Variants in UBE2K observed in about 807,000 individuals in gnomAD.
The protein encoded by UBE2K is ubiquitin conjugating enzyme E2 K.
In UBE2K, 6 loss-of-function variants were observed where a neutral mutation model predicts 30.0. That is an observed-to-expected ratio of 0.20 (90% CI 0.11 to 0.39). The LOEUF (loss-of-function observed/expected upper bound fraction) is 0.39. Ranked by LOEUF, UBE2K falls within the 10% of genes least tolerant of loss-of-function variation. UBE2K has a pLI of 1.00. For synonymous variants in UBE2K, 86 were observed against 83.7 expected (o/e 1.03, Z -0.15); for missense variants, 61 against 241.6 (o/e 0.25, Z 4.96).
chr4:39,737,936 A>G (rs756866737), intron 2 of UBE2K, among the ~76,000 whole-genome samples: 17 of 152,102 alleles, frequency 1.1e-4, no homozygotes, highest in Non-Finnish European at 2.2e-4. Flanking sequence ...TCATTCACTC[A>G]TGTCTTCATA....
chr4:39,736,060 C>A (rs954692408), intron 1 of UBE2K, among the ~76,000 whole-genome samples: 1 of 151,210 alleles, frequency 6.6e-6, no homozygotes, highest in South Asian at 2.1e-4. Context: ...GTAATTCTTA[C>A]ACTGTTTCAT....
At chr4:39,700,319 A>G (rs1008452912) in intron 1 of UBE2K, among the ~76,000 whole-genome samples, 1 of 152,196 alleles carries the variant, frequency 6.6e-6, no homozygotes. Flanking sequence ...ATAAGCATCA[A>G]AAGTGTTTCA....
In UBE2K at chr4:39,776,762, A is replaced by G. The variant is rs73808499; in HGVS notation, c.400-920A>G. On this transcript the variant is annotated intron_variant, in intron 5 of 6. Transcript: ENST00000261427. ...TGTTATTTGTCTCAGAGTACTTCCA[A>G]TTAGGGTTTTCCATGTTTTATATAT... 4.6e-3 allele frequency among the ~76,000 whole-genome samples: 697 copies of G among 152,100 alleles called. 6 individuals carry two copies. The highest frequency in any genetic ancestry group is 0.016 in the African/African-American group (658 of 41,486).
At chr4:39,761,643 T>C (rs13129403) in intron 4 of UBE2K, among the ~76,000 whole-genome samples, 25,423 of 152,112 alleles carry the variant, frequency 0.17, 4,081 homozygotes, top group African/African-American at 0.42. Flanking sequence ...TGTTTGCCTG[T>C]TAGGATTTGT....
chr4:39,720,320 A>AT (rs10716637), intron 1 of UBE2K, among the ~76,000 whole-genome samples: 36 of 148,496 alleles, frequency 2.4e-4, no homozygotes, highest in Non-Finnish European at 3.0e-4. Flanking sequence ...TGGGAAGGTA[A>AT]TTTTTTTTTT....
intron 3 of UBE2K, among the ~76,000 whole-genome samples, chr4:39,749,129 ATT>A (rs1431918792): frequency 6.6e-6 from 1 of 152,188 alleles, no homozygotes; most frequent in Non-Finnish European, 1.5e-5. Context: ...AAAAATTCAC[ATT>A]TGTCTTACCA....
chr4:39,747,311 C>A (rs1229205886), intron 3 of UBE2K, among the ~76,000 whole-genome samples: 8 of 152,190 alleles, frequency 5.3e-5, no homozygotes, highest in Non-Finnish European at 1.2e-4. Flanking sequence ...AACTTTCTCA[C>A]CTTCCCAAAC....
chr4:39,772,423 T>C (rs564336620), intron 4 of UBE2K, among the ~76,000 whole-genome samples: 2 of 151,370 alleles, frequency 1.3e-5, no homozygotes, highest in Non-Finnish European at 1.5e-5. Flanking sequence ...AAATTGTTTT[T>C]AATTAGCTGG....
At chr4:39,706,233 G>GTCT (rs1057022433) in intron 1 of UBE2K, among the ~76,000 whole-genome samples, 11 of 151,838 alleles carry the variant, frequency 7.2e-5, no homozygotes, top group Admixed American at 5.9e-4. Flanking sequence ...AGTCAGGATG[G>GTCT]TCTCGATCTC....
At position 39,757,011 on chromosome 4, in the gene UBE2K, G is replaced by GTTTTTTTTTTTTTTTTTTTTTTTTT. The variant is rs1354761879; in HGVS notation, c.299+1278_299+1279insTTTTTTTTTTTTTTTTTTTTTTTTT. Among the ~76,000 whole-genome samples, 3 of 76,824 alleles carry GTTTTTTTTTTTTTTTTTTTTTTTTT rather than the reference G, an allele frequency of 3.9e-5. 1 individual carries two copies. The highest frequency in any genetic ancestry group is 2.5e-5 in the Non-Finnish European group (1 of 39,720). 50.4% of individuals were successfully genotyped at this position (76,824 alleles called of 152,430 possible). On this transcript the variant is annotated intron_variant, in intron 4 of 6. Transcript: ENST00000261427. ...ATGTTTTTTTGGGTGTTTTTTTTTTGTTTTTTGTTTTTTGTTTTTTGTTTT... is the reference window on the plus strand; with the variant it reads ...ATGTTTTTTTGGGTGTTTTTTTTTTGTTTTTTTTTTTTTTTTTTTTTTTTTTTTTTTGTTTTTTGTTTTTTGTTTT...
chr4:39,728,329 G>GC (rs1446132327), intron 1 of UBE2K, among the ~76,000 whole-genome samples: 29 of 152,136 alleles, frequency 1.9e-4, no homozygotes, highest in Non-Finnish European at 3.7e-4. Flanking sequence ...TAGATATTGA[G>GC]CTGGGAGTGG....
chr4:39,777,442 G>A (rs1713341974), intron 5 of UBE2K, among the ~76,000 whole-genome samples: 1 of 152,152 alleles, frequency 6.6e-6, no homozygotes, highest in Admixed American at 6.5e-5. Context: ...TGTTGAATTT[G>A]GAGATTAAAG....
At chr4:39,744,170 T>G (rs1219961346) in intron 2 of UBE2K, among the ~76,000 whole-genome samples, 1 of 149,374 alleles carries the variant, frequency 6.7e-6, no homozygotes, top group African/African-American at 2.5e-5. Flanking sequence ...GCCCAGAGTT[T>G]CTTAAGAGGC....
intron 4 of UBE2K, among the ~76,000 whole-genome samples, chr4:39,764,668 T>C (rs1712195856): frequency 6.6e-6 from 1 of 152,096 alleles, no homozygotes. Context: ...ACTCAAGCAA[T>C]ACCCCTGTTT....
chr4:39,725,075 CTGT>C (rs763814034), intron 1 of UBE2K, among the ~76,000 whole-genome samples: 15 of 151,964 alleles, frequency 9.9e-5, no homozygotes, highest in Non-Finnish European at 2.1e-4. Flanking sequence ...GAGTAACGTC[CTGT>C]TGTTATACAA....
chr4:39,740,256 T>C (rs904289460), intron 2 of UBE2K, among the ~76,000 whole-genome samples: 1 of 152,154 alleles, frequency 6.6e-6, no homozygotes, highest in Non-Finnish European at 1.5e-5. Flanking sequence ...AGCAAAGTTT[T>C]AAATTTTTTC....
At position 39,780,771 on chromosome 4, in the gene UBE2K, CAT is replaced by C. The variant is rs1713565733; in HGVS notation, c.*2339_*2340del. 1 of 151,926 alleles carries C rather than the reference CAT, an allele frequency of 6.6e-6. No homozygotes were observed. Among genetic ancestry groups the C allele is most frequent in the Non-Finnish European group, 1.5e-5 (1 of 67,920 alleles). 9.4% of individuals were successfully genotyped at this position (151,926 alleles called of 1,614,324 possible). ...CTGTGGGTAGATTTAGTTACCCAAA[CAT>C]AGAAACTAAAGCAATTGCTTTTTTC... On this transcript the variant is annotated 3_prime_UTR_variant, in exon 7 of 7. Transcript: ENST00000261427.
rs770531325 is a variant in UBE2K at position 39,745,719 on chromosome 4, G to C, written c.158-33G>C. Reference sequence around the variant, plus strand: ...TTGTCTTATATATTTGAATTGAGCAGCATTCTTAACTTTGTTTTCCCCATT... The same window carrying C: ...TTGTCTTATATATTTGAATTGAGCACCATTCTTAACTTTGTTTTCCCCATT... On this transcript the variant is annotated intron_variant, in intron 2 of 6. Transcript: ENST00000261427. 3.5e-6 allele frequency: 5 copies of C among 1,434,978 alleles called. No individual in the cohort carries two copies. In the South Asian group the frequency reaches 6.0e-5, roughly 17 times the overall value. 88.9% of individuals were successfully genotyped at this position (1,434,978 alleles called of 1,614,324 possible).
At chr4:39,759,771 A>G (rs769461432) in intron 4 of UBE2K, among the ~76,000 whole-genome samples, 20 of 152,208 alleles carry the variant, frequency 1.3e-4, no homozygotes, top group Non-Finnish European at 2.4e-4. Flanking sequence ...TGCCTGGTCG[A>G]TAAGGTATGC....
Sources: allele counts gnomAD v4.1 joint callset (sites outside exome capture counted in the v4.1 genomes callset), GRCh38; gene constraint gnomAD v4.1.1; transcripts MANE v1.5; gene names NCBI Gene and HGNC (gene_info 2026-07-23, HGNC 2026-07-21).